Variants in DLG2 observed in about 807,000 individuals in gnomAD.
The protein encoded by DLG2 is disks large homolog 2.
Under a neutral mutation model 132.5 loss-of-function variants are expected in DLG2, and 45 were observed. That is an observed-to-expected ratio of 0.34 (90% CI 0.27 to 0.44). DLG2 has a LOEUF of 0.44. Ranked by LOEUF, DLG2 falls within the 20% of genes least tolerant of loss-of-function variation. The pLI is 1.00. For missense variants in DLG2, 1,045 were observed against 1,196.9 expected (o/e 0.87, Z 1.87); for synonymous variants, 424 against 419.6 (o/e 1.01, Z -0.13).
chr11:84,502,988 G>C (rs1446730956), intron 7 of DLG2, among the ~76,000 whole-genome samples: 4 of 152,160 alleles, frequency 2.6e-5, no homozygotes, highest in Admixed American at 2.6e-4. Flanking sequence ...GAAAAATAGA[G>C]AACTAACAAA....
chr11:83,659,014 ACT>A (rs555151592), intron 18 of DLG2, among the ~76,000 whole-genome samples: 154 of 152,230 alleles, frequency 1.0e-3, no homozygotes, highest in African/African-American at 3.6e-3. Flanking sequence ...CAGATATGGT[ACT>A]CTCACTTACT....
At position 84,800,527 on chromosome 11, in the gene DLG2, G is replaced by A. The variant is rs562116386; in HGVS notation, c.358-265796C>T. 2.0e-5 allele frequency: 3 copies of A among 152,202 alleles called. 1 individual carries two copies. The highest frequency in any genetic ancestry group is 7.2e-5 in the African/African-American group (3 of 41,530). 9.4% of individuals were successfully genotyped at this position (152,202 alleles called of 1,614,324 possible). ...AAAATAGAAATCATGCCCTTGTTTT[G>A]CAGATAAGGATGCTGAAGCTAAAAA... On this transcript the variant is annotated intron_variant, in intron 6 of 27. Transcript: ENST00000376104.
At chr11:84,756,078 G>T (rs2066839246) in intron 6 of DLG2, among the ~76,000 whole-genome samples, 1 of 152,014 alleles carries the variant, frequency 6.6e-6, no homozygotes, top group South Asian at 2.1e-4. Flanking sequence ...AATAAAGCTG[G>T]GGATATGCGA....
intron 15 of DLG2, among the ~76,000 whole-genome samples, chr11:83,883,189 T>G (rs1251902340): frequency 6.6e-6 from 1 of 152,212 alleles, no homozygotes; most frequent in African/African-American, 2.4e-5. Context: ...TCGTGTTCCT[T>G]CATCTTTTTT....
chr11:85,272,955 C>T (rs2077636422), intron 4 of DLG2, among the ~76,000 whole-genome samples: 1 of 152,140 alleles, frequency 6.6e-6, no homozygotes, highest in Non-Finnish European at 1.5e-5. Context: ...CACTACACAT[C>T]TACAACCATC....
At chr11:85,471,382 A>C (rs1201131570) in intron 3 of DLG2, among the ~76,000 whole-genome samples, 1 of 152,156 alleles carries the variant, frequency 6.6e-6, no homozygotes, top group Non-Finnish European at 1.5e-5. Context: ...CCGACCTATC[A>C]AATGGAAGGA....
intron 8 of DLG2, among the ~76,000 whole-genome samples, chr11:84,220,083 C>T (rs1239939127): frequency 1.3e-5 from 2 of 152,164 alleles, no homozygotes; most frequent in Admixed American, 6.5e-5. Flanking sequence ...TAAAAATAAT[C>T]GTTCCCTCTA....
chr11:85,202,648 C>T (rs189852246), intron 4 of DLG2, among the ~76,000 whole-genome samples: 2 of 152,086 alleles, frequency 1.3e-5, no homozygotes, highest in East Asian at 1.9e-4. Context: ...TGTTAAGCCA[C>T]GAAACAAGTC....
chr11:84,492,584 G>A (rs1431191747), intron 7 of DLG2, among the ~76,000 whole-genome samples: 1 of 152,112 alleles, frequency 6.6e-6, no homozygotes, highest in Non-Finnish European at 1.5e-5. Context: ...GTATAATAAA[G>A]AAAATAATCA....
At position 85,160,661 on chromosome 11, in the gene DLG2, C is replaced by T. The variant is rs188035540; in HGVS notation, c.187-6010G>A. On this transcript the variant is annotated intron_variant, in intron 4 of 27. Coordinates refer to ENST00000376104, the MANE Select transcript of DLG2 (RefSeq NM_001142699.3). ...ATGATTGAGCTCAAGGATGTCTTGA[C>T]GGCACAAGTAAGTTACATGAGGAAG... 1.4e-4 allele frequency among the ~76,000 whole-genome samples: 22 copies of T among 152,218 alleles called. No homozygotes were observed. The South Asian group carries it at 2.1e-3, about 14-fold the overall frequency.
intron 21 of DLG2, among the ~76,000 whole-genome samples, chr11:83,513,418 C>T (rs2095143266): frequency 6.6e-6 from 1 of 152,166 alleles, no homozygotes; most frequent in South Asian, 2.1e-4. Context: ...ATTGTAGATT[C>T]TGGATATTAG....
chr11:83,503,424 GATAGATCTAATAGGATATATATATTTATA>G (rs2094548153), intron 21 of DLG2, among the ~76,000 whole-genome samples: 1 of 39,768 alleles, frequency 2.5e-5, no homozygotes. Flanking sequence ...TATATATATA[GATAGATCTAATAGGATATATATATTTATA>G]CACACACACA....
intron 6 of DLG2, among the ~76,000 whole-genome samples, chr11:84,852,877 TA>T (rs578044271): frequency 2.6e-5 from 4 of 151,812 alleles, no homozygotes; most frequent in African/African-American, 9.7e-5. Flanking sequence ...AAAAATAAAA[TA>T]AAAAAGTTGC....
chr11:85,497,940 G>A (rs768050797), intron 3 of DLG2, among the ~76,000 whole-genome samples: 3 of 152,150 alleles, frequency 2.0e-5, no homozygotes, highest in Admixed American at 1.3e-4. Context: ...CACCAAACAT[G>A]GATAGGAACA....
intron 3 of DLG2, among the ~76,000 whole-genome samples, chr11:85,406,532 C>T (rs1045332555): frequency 6.6e-6 from 1 of 151,712 alleles, no homozygotes; most frequent in African/African-American, 2.4e-5. Flanking sequence ...AGACAGAAGA[C>T]CCAATTACAA....
intron 14 of DLG2, among the ~76,000 whole-genome samples, chr11:83,944,837 C>A (rs2083436186): frequency 6.6e-6 from 1 of 152,332 alleles, no homozygotes; most frequent in South Asian, 2.1e-4. Flanking sequence ...CCCAGAATAA[C>A]TCCGTGCAGC....
At chr11:84,371,971 A>G (rs572311729) in intron 7 of DLG2, among the ~76,000 whole-genome samples, 18 of 152,212 alleles carry the variant, frequency 1.2e-4, no homozygotes, top group Non-Finnish European at 2.2e-4. Flanking sequence ...ATGTGATTTT[A>G]AAAAATTGCA....
At chr11:85,535,108 T>C (rs1012205375) in intron 3 of DLG2, among the ~76,000 whole-genome samples, 3 of 152,058 alleles carry the variant, frequency 2.0e-5, no homozygotes, top group African/African-American at 4.8e-5. Flanking sequence ...TGCTTTTGAG[T>C]AGAGGTTAGA....
chr11:84,157,180 G>C (rs2095444820), intron 9 of DLG2, among the ~76,000 whole-genome samples: 1 of 151,638 alleles, frequency 6.6e-6, no homozygotes. Context: ...TTTGGTAATA[G>C]ATACATTTCT....
Sources: gnomAD v4.1 joint callset for allele counts (sites outside exome capture counted in the v4.1 genomes callset) on GRCh38, gnomAD v4.1.1 for gene constraint, MANE v1.5 for transcripts, NCBI Gene and HGNC (gene_info 2026-07-23, HGNC 2026-07-21) for gene names.